The following CRTC1 variants were observed in gnomAD, a reference collection of about 807,000 sequenced individuals.
CRTC1 encodes CREB regulated transcription coactivator 1, also known as CREB-regulated transcription coactivator 1.
CRTC1 carries 18 observed loss-of-function variants against 66.1 expected under a neutral mutation model. The ratio of observed to expected loss-of-function variants is 0.27; its 90% CI spans 0.19 to 0.40. CRTC1 has a LOEUF of 0.40. CRTC1 is among the 10% of genes least tolerant of loss of function. CRTC1 has a pLI of 1.00. For synonymous variants in CRTC1, 416 were observed against 398.8 expected, an observed-to-expected ratio of 1.04 and a Z score of -0.51; for missense variants, 669 against 887.9, an observed-to-expected ratio of 0.75 and a Z score of 3.13.
intron 3 of CRTC1, among the ~76,000 whole-genome samples, chr19:18,746,224 G>C (rs953513946): frequency 6.6e-6 from 1 of 152,140 alleles, no homozygotes; most frequent in African/African-American, 2.4e-5. Context: ...GTTGAGGAAG[G>C]TTATACCTGA....
chr19:18,723,265 C>T (rs1011785050), intron 1 of CRTC1, among the ~76,000 whole-genome samples: 6 of 152,166 alleles, frequency 3.9e-5, no homozygotes, highest in South Asian at 4.2e-4. Context: ...TTTTGTTGTA[C>T]GGATGGACCA....
At chr19:18,693,074 CAAA>C (rs71168762) in intron 1 of CRTC1, among the ~76,000 whole-genome samples, 3 of 69,338 alleles carry the variant, frequency 4.3e-5, no homozygotes, top group African/African-American at 6.0e-5. Context: ...GACTCCGTCT[CAAA>C]AAAAAAAAAA....
chr19:18,736,696 G>A (rs2054003613), intron 1 of CRTC1, among the ~76,000 whole-genome samples: 1 of 150,598 alleles, frequency 6.6e-6, no homozygotes. Context: ...AGACTTTGAA[G>A]CCTAGAGGTG....
chr19:18,754,437 CAGG>C (rs2054440528), intron 6 of CRTC1, among the ~76,000 whole-genome samples: 1 of 152,126 alleles, frequency 6.6e-6, no homozygotes, highest in South Asian at 2.1e-4. Flanking sequence ...CACTTGAGCC[CAGG>C]AGGTCAAGAC....
chr19:18,765,153 G>A (rs2054700408), intron 8 of CRTC1, among the ~76,000 whole-genome samples: 1 of 152,222 alleles, frequency 6.6e-6, no homozygotes, highest in Non-Finnish European at 1.5e-5. Context: ...AGATGGGGAT[G>A]TGCTGGTTGG....
Position 18,739,798 on chromosome 19 carries a change from C to T in CRTC1, c.127-3112C>T, listed in dbSNP as rs921359559. Among the ~76,000 whole-genome samples the T allele has an allele frequency of 3.3e-5, 5 of 152,316 alleles. No homozygotes were observed. The South Asian group carries it at 1.0e-3, about 32-fold the overall frequency. On this transcript the variant is annotated intron_variant, in intron 1 of 13. Coordinates refer to ENST00000321949, the MANE Select transcript of CRTC1 (RefSeq NM_015321.3). ...CCTGAGACCCCAGAGAAAGGAGGAC[C>T]CTGCTCCCAGGGGTTCCAGCCAGGC...
chr19:18,715,556 G>T (rs1049735942), intron 1 of CRTC1, among the ~76,000 whole-genome samples: 12 of 152,168 alleles, frequency 7.9e-5, no homozygotes, highest in Admixed American at 3.3e-4. Context: ...CTGGGAGTAC[G>T]TCCCACAACA....
chr19:18,761,002 TG>T (rs1246575427), intron 8 of CRTC1, among the ~76,000 whole-genome samples: 3 of 151,526 alleles, frequency 2.0e-5, no homozygotes, highest in Non-Finnish European at 4.4e-5. Context: ...TCCCTCTCAG[TG>T]AAAGCCTGAG....
At chr19:18,721,228 C>T (rs1239575283) in intron 1 of CRTC1, among the ~76,000 whole-genome samples, 1 of 147,976 alleles carries the variant, frequency 6.8e-6, no homozygotes, top group African/African-American at 2.5e-5. Context: ...GAGTCTCGCT[C>T]TGTCGTCCAG....
chr19:18,763,573 ATTG>A (rs2054662093), intron 8 of CRTC1, among the ~76,000 whole-genome samples: 1 of 152,178 alleles, frequency 6.6e-6, no homozygotes, highest in Non-Finnish European at 1.5e-5. Context: ...AGTCACCCCC[ATTG>A]TTAAGTGATG....
chr19:18,779,931 C>T lies in CRTC1; in HGVS notation c.*2549C>T. On this transcript the variant is annotated 3_prime_UTR_variant, in exon 14 of 14. Transcript: ENST00000321949. ...CCTGTGTTCCAGAAGGATTCACGCCCCTCCTGGACCTGGGCGGGCCTCCCA... is the reference window on the plus strand; with the variant it reads ...CCTGTGTTCCAGAAGGATTCACGCCTCTCCTGGACCTGGGCGGGCCTCCCA... The T allele has an allele frequency of 4.4e-6, 1 of 229,426 alleles. No homozygotes were observed. Among genetic ancestry groups the T allele is most frequent in the Non-Finnish European group, 8.6e-6 (1 of 115,688 alleles). The allele number at this position is 229,426 out of a possible 1,614,324, so 14.2% of individuals were successfully genotyped here.
In CRTC1 at chr19:18,780,684, G is replaced by A; in HGVS notation, c.*3302G>A. ...CCTGCCAGAAGCCCATGGGGGGCCA[G>A]GCCGGGTGGCTTCTATTTTATTTTT... On this transcript the variant is annotated 3_prime_UTR_variant, in exon 14 of 14. Transcript: ENST00000321949. The A allele has an allele frequency of 4.5e-6, 1 of 223,046 alleles. No homozygotes were observed. 13.8% of individuals were successfully genotyped at this position (223,046 alleles called of 1,614,324 possible).
At position 18,777,161 on chromosome 19, in the gene CRTC1, CAT is replaced by C; in HGVS notation, c.1694-9_1694-8del. 8 of 1,413,760 alleles carry C rather than the reference CAT, an allele frequency of 5.7e-6. No individual in the cohort carries two copies. Among genetic ancestry groups the C allele is most frequent in the South Asian group, 1.2e-5 (1 of 86,556 alleles). 87.6% of individuals were successfully genotyped at this position (1,413,760 alleles called of 1,614,324 possible). A position where few individuals can be genotyped will look rare whatever the true frequency, so the allele number is the denominator to read the frequency against. On this transcript the variant is annotated splice_polypyrimidine_tract_variant and splice_region_variant and intron_variant, in intron 13 of 13. Transcript: ENST00000321949. This position sits in a 1 kb window ranked among gnomAD's most constrained non-coding sequence, Gnocchi z 5.5. ...TAAGCAGTGCCTTTTGTCCCCACCCCATCCCCCAGTGACAGGAGAGTCCCCCC... is the reference window on the plus strand; with the variant it reads ...TAAGCAGTGCCTTTTGTCCCCACCCCCCCCCAGTGACAGGAGAGTCCCCCC...
chr19:18,721,512 TTA>T (rs1181678320), intron 1 of CRTC1, among the ~76,000 whole-genome samples: 2 of 115,332 alleles, frequency 1.7e-5, no homozygotes, highest in African/African-American at 6.7e-5. Flanking sequence ...TTTTTTTTTT[TTA>T]AACAAGGTCT....
rs977427023 is a variant in CRTC1 at position 18,771,872 on chromosome 19, G to A, written c.1425+326G>A. ...CCAGGGACAATGCCCTCCACACCCA[G>A]TGTGTCACCCAGAGCATGAGCTGGA... On this transcript the variant is annotated intron_variant, in intron 11 of 13. Coordinates refer to ENST00000321949, the MANE Select transcript of CRTC1 (RefSeq NM_015321.3). This position sits in a 1 kb window ranked among gnomAD's most constrained non-coding sequence, Gnocchi z 4.6. Among the ~76,000 whole-genome samples, 1 of 152,198 alleles carries A rather than the reference G, an allele frequency of 6.6e-6. No homozygotes were observed. The highest frequency in any genetic ancestry group is 2.4e-5 in the African/African-American group (1 of 41,438).
intron 1 of CRTC1, among the ~76,000 whole-genome samples, chr19:18,723,911 G>A (rs142649588): frequency 8.5e-5 from 13 of 152,308 alleles, no homozygotes; most frequent in South Asian, 4.1e-4. Context: ...AGTTGTCCCC[G>A]TGCGCTTGGA....
intron 1 of CRTC1, among the ~76,000 whole-genome samples, chr19:18,729,408 A>T (rs1454390213): frequency 6.7e-6 from 1 of 149,644 alleles, no homozygotes; most frequent in Non-Finnish European, 1.5e-5. Flanking sequence ...CCTGGGCAAC[A>T]GAGCGAGACT....
chr19:18,774,764 A>T, intron 11 of CRTC1, 136 bp from the exon 12 acceptor site: 1 of 780,958 alleles, frequency 1.3e-6, no homozygotes, highest in Non-Finnish European at 2.1e-6. Flanking sequence ...CTGGAACCCC[A>T]AAATAAGCAT....
chr19:18,705,954 CCTCT>C (rs1202836911), intron 1 of CRTC1, among the ~76,000 whole-genome samples: 55 of 141,172 alleles, frequency 3.9e-4, no homozygotes, highest in South Asian at 9.0e-4. Context: ...TTTTCCTTTT[CCTCT>C]CTCTCTCTCT....
Sources: gnomAD v4.1 joint callset for allele counts (sites outside exome capture counted in the v4.1 genomes callset) on GRCh38, gnomAD v4.1.1 for gene constraint, Gnocchi (gnomAD v3.1) non-coding constraint, MANE v1.5 for transcripts, NCBI Gene and HGNC (gene_info 2026-07-23, HGNC 2026-07-21) for gene names.